Variants in TSPEAR observed in about 807,000 individuals in gnomAD.
The protein encoded by TSPEAR is thrombospondin-type laminin G domain and EAR repeat-containing protein.
Under a neutral mutation model 71.6 loss-of-function variants are expected in TSPEAR, and 69 were observed. That is an observed-to-expected ratio of 0.96 (90% CI 0.79 to 1.18). TSPEAR has a LOEUF of 1.18. Among genes scored for constraint, TSPEAR ranks in the 50% most tolerant of loss-of-function variants. The probability of loss-of-function intolerance (pLI) is 0.00; values close to 1 mark genes in which losing one functional copy is unlikely to be tolerated. For synonymous variants in TSPEAR, 402 were observed against 387.2 expected, an observed-to-expected ratio of 1.04 and a Z score of -0.45; for missense variants, 971 against 894.9, an observed-to-expected ratio of 1.09 and a Z score of -1.09.
chr21:44,652,900 T>C (rs1407060200), intron 1 of TSPEAR, among the ~76,000 whole-genome samples: 2 of 152,202 alleles, frequency 1.3e-5, no homozygotes, highest in Admixed American at 6.5e-5. Flanking sequence ...CTCACACCTG[T>C]AATCCCAGCA....
intron 2 of TSPEAR, among the ~76,000 whole-genome samples, chr21:44,549,092 T>C (rs1233061881): frequency 6.6e-6 from 1 of 152,210 alleles, no homozygotes; most frequent in Non-Finnish European, 1.5e-5. Flanking sequence ...ATCCTGCCCC[T>C]GTGCCCTTTT....
chr21:44,512,823 G>A (rs1232641752), intron 9 of TSPEAR, among the ~76,000 whole-genome samples: 1 of 152,184 alleles, frequency 6.6e-6, no homozygotes, highest in Non-Finnish European at 1.5e-5. Context: ...GCATGGCAGT[G>A]GCCGGAGTGA....
chr21:44,697,048 GC>G, intron 1 of TSPEAR: 2 of 866,614 alleles, frequency 2.3e-6, no homozygotes, highest in Non-Finnish European at 1.5e-6. Context: ...CCTCCCTCCT[GC>G]CCATCCAGCA....
chr21:44,612,105 C>T lies in TSPEAR; in HGVS notation c.83-44100G>A. ...CCACCCAGTCCAGCACCCACCATGG[C>T]TGACGCCTGCTGCACCAGGACGTAT... On this transcript the variant is annotated intron_variant, in intron 1 of 11. Coordinates refer to ENST00000323084, the MANE Select transcript of TSPEAR (RefSeq NM_144991.3). This position sits in a 1 kb window ranked among gnomAD's most constrained non-coding sequence, Gnocchi z 4.1. The T allele has an allele frequency of 6.2e-7, 1 of 1,613,134 alleles. No homozygotes were observed. The highest frequency in any genetic ancestry group is 1.1e-5 in the South Asian group (1 of 90,986).
At chr21:44,670,533 A>G (rs1236083028) in intron 1 of TSPEAR, among the ~76,000 whole-genome samples, 1 of 151,836 alleles carries the variant, frequency 6.6e-6, no homozygotes, top group Non-Finnish European at 1.5e-5. Flanking sequence ...GCCCACAGAG[A>G]CTCCCCAGTC....
intron 1 of TSPEAR, among the ~76,000 whole-genome samples, chr21:44,599,008 G>C (rs587605670): frequency 6.6e-6 from 1 of 152,118 alleles, no homozygotes; most frequent in Non-Finnish European, 1.5e-5. Context: ...TTCTTCAACA[G>C]CTCTTTTAGG....
Position 44,527,355 on chromosome 21 carries a change from G to C in TSPEAR, c.1086C>G (p.Val362=). 3 of 1,614,212 alleles carry C rather than the reference G, an allele frequency of 1.9e-6. No individual in the cohort carries two copies. The highest frequency in any genetic ancestry group is 2.5e-6 in the Non-Finnish European group (3 of 1,180,044). The change falls in exon 7 of 12, where the codon GTC becomes GTG. Residue 362 remains valine (V), a synonymous_variant. Coordinates refer to ENST00000323084, the MANE Select transcript of TSPEAR (RefSeq NM_144991.3). ...GGTGCGTGGGGATGTTCTGATATGA[G>C]ACGAACTTCTCTTCGGTCCACTTGT... ...AVYKWTEEKF[V]SYQNIPTHQA... is the part of the protein sequence containing the mutation.
intron 1 of TSPEAR, chr21:44,658,336 C>T (rs1601538860): frequency 1.4e-6 from 2 of 1,468,780 alleles, no homozygotes; most frequent in Non-Finnish European, 1.9e-6. Context: ...CTGGTGGACC[C>T]CCAGATTGCA....
At chr21:44,532,668 T>C (rs1281931151) in intron 3 of TSPEAR, among the ~76,000 whole-genome samples, 1 of 152,222 alleles carries the variant, frequency 6.6e-6, no homozygotes, top group Admixed American at 6.5e-5. Context: ...ACTGGATCAT[T>C]TGCAATTAAA....
At chr21:44,654,741 G>T in intron 1 of TSPEAR, 1 of 649,480 alleles carries the variant, frequency 1.5e-6, no homozygotes, top group Non-Finnish European at 2.7e-6. Context: ...CCTCGTGGGT[G>T]GTTTTTCCTC....
Position 44,568,642 on chromosome 21 carries a change from T to C in TSPEAR, c.83-637A>G, listed in dbSNP as rs587594164. 2.6e-5 allele frequency among the ~76,000 whole-genome samples: 4 copies of C among 152,122 alleles called. No homozygotes were observed. In the East Asian group the frequency reaches 7.7e-4, roughly 29 times the overall value. ...GTGACAGGGAGGAAAATGGGAAGCA[T>C]GGAGGGCATTCGGGGCTAGCAGAGG... On this transcript the variant is annotated intron_variant, in intron 1 of 11. Transcript: ENST00000323084.
intron 5 of TSPEAR, 48 bp downstream of exon 5, chr21:44,529,750 G>A: frequency 6.2e-7 from 1 of 1,606,962 alleles, no homozygotes; most frequent in Non-Finnish European, 8.5e-7. Context: ...TGAGGCCAGG[G>A]CTCTCGCATC....
At chr21:44,525,573 A>G (rs2052837982) in intron 8 of TSPEAR, 80 bp downstream of exon 8, 8 of 1,404,174 alleles carry the variant, frequency 5.7e-6, no homozygotes, top group Non-Finnish European at 7.9e-6. Flanking sequence ...TTCTAATAAG[A>G]TACACATTCG....
intron 1 of TSPEAR, among the ~76,000 whole-genome samples, chr21:44,595,396 A>G (rs1339113073): frequency 1.3e-5 from 2 of 152,154 alleles, no homozygotes; most frequent in Non-Finnish European, 2.9e-5. Context: ...CTCTGATCAC[A>G]ACATTCCCAT....
chr21:44,598,074 CT>C (rs1555927849), intron 1 of TSPEAR, among the ~76,000 whole-genome samples: 1 of 152,162 alleles, frequency 6.6e-6, no homozygotes. Context: ...CCCCCGCCCC[CT>C]CTCTTTCTTC....
In TSPEAR at chr21:44,710,252, T is replaced by G. The variant is rs1412101517; in HGVS notation, c.82+1181A>C. On this transcript the variant is annotated intron_variant, in intron 1 of 11. Coordinates refer to ENST00000323084, the MANE Select transcript of TSPEAR (RefSeq NM_144991.3). The surrounding 1 kb of genome is among the most constrained non-coding windows in gnomAD (Gnocchi z 4.6). ...GCAGAATCACCCAGTTCCAAGGCAG[T>G]CCCTGCGGGCAGGTGCAGCTGTGCG... 6.6e-6 allele frequency among the ~76,000 whole-genome samples: 1 copy of G among 152,138 alleles called. No homozygotes were observed. The highest frequency in any genetic ancestry group is 1.5e-5 in the Non-Finnish European group (1 of 68,016).
At chr21:44,689,426 T>C (rs932072968) in intron 1 of TSPEAR, among the ~76,000 whole-genome samples, 1 of 150,156 alleles carries the variant, frequency 6.7e-6, no homozygotes, top group Non-Finnish European at 1.5e-5. Context: ...GGCGTGAACC[T>C]GGGAGGCGGA....
chr21:44,499,721 G>A lies in TSPEAR; in HGVS notation c.*62C>T. The A allele has an allele frequency of 6.8e-7, 1 of 1,481,432 alleles. No homozygotes were observed. 91.8% of individuals were successfully genotyped at this position (1,481,432 alleles called of 1,614,324 possible). On this transcript the variant is annotated 3_prime_UTR_variant, in exon 12 of 12. Transcript: ENST00000323084. Reference sequence around the variant, plus strand: ...CCCACCTGGACGTCCAGGGTCAGTTGGGGGAGGTGCTGGGGTCCCGCCCCA... The same window carrying A: ...CCCACCTGGACGTCCAGGGTCAGTTAGGGGAGGTGCTGGGGTCCCGCCCCA...
chr21:44,678,297 A>G (rs1260187079), intron 1 of TSPEAR, among the ~76,000 whole-genome samples: 1 of 152,036 alleles, frequency 6.6e-6, no homozygotes, highest in African/African-American at 2.4e-5. Flanking sequence ...GCCATTTCTC[A>G]TGAATGGTTT....
Sources: allele counts gnomAD v4.1 joint callset (sites outside exome capture counted in the v4.1 genomes callset), GRCh38; gene constraint gnomAD v4.1.1; non-coding constraint Gnocchi (gnomAD v3.1); transcripts MANE v1.5; gene names NCBI Gene and HGNC (gene_info 2026-07-23, HGNC 2026-07-21).